Variants in SERPINB13 observed in about 807,000 individuals in gnomAD.
The protein encoded by SERPINB13 is serpin family B member 13.
SERPINB13 carries 26 observed loss-of-function variants against 31.2 expected under a neutral mutation model. The ratio of observed to expected loss-of-function variants is 0.83; its 90% CI spans 0.61 to 1.15. The LOEUF (loss-of-function observed/expected upper bound fraction) is 1.15, where lower values mean the gene tolerates loss of function less well. Among genes scored for constraint, SERPINB13 ranks in the 50% most tolerant of loss-of-function variants. The pLI is 0.00. For missense variants in SERPINB13, 510 were observed against 469.4 expected (o/e 1.09, Z -0.80); for synonymous variants, 191 against 172.4 (o/e 1.11, Z -0.85).
In SERPINB13 at chr18:63,587,455, G is replaced by T. The variant is rs1367262604; in HGVS notation, c.-18+5G>T. ...CCGTCTCTCCAAAAACCCGAGGTAA[G>T]TTCTTATTTTGGCTCCAATTTAAGA... On this transcript the variant is annotated splice_donor_5th_base_variant and intron_variant, in intron 1 of 7. Transcript: ENST00000344731. 1 of 470,944 alleles carries T rather than the reference G, an allele frequency of 2.1e-6. No individual in the cohort carries two copies. 29.2% of individuals were successfully genotyped at this position (470,944 alleles called of 1,614,324 possible).
chr18:63,596,833 T>A (rs992137133), intron 7 of SERPINB13, 126 bp from the exon 8 acceptor site: 6 of 727,278 alleles, frequency 8.2e-6, no homozygotes, highest in Non-Finnish European at 1.3e-5. Flanking sequence ...AACAATCTAG[T>A]GAAATAAAAT....
At position 63,595,063 on chromosome 18, in the gene SERPINB13, G is replaced by A; in HGVS notation, c.650G>A (p.Ser217Asn). Residue 217 changes from serine (S) to asparagine (N), a missense_variant, in exon 7 of 8, where the codon AGC becomes AAC. Coordinates refer to ENST00000344731, the MANE Select transcript of SERPINB13 (RefSeq NM_012397.4). Reference protein sequence around the residue: ...TSKSVQMMTQSHSFSFTFLED... With the variant: ...TSKSVQMMTQNHSFSFTFLED... ...AAATCTGTACAGATGATGACACAGA[G>A]CCATTCCTTTAGCTTCACTTTCCTG... 1 of 1,614,000 alleles carries A rather than the reference G, an allele frequency of 6.2e-7. No individual in the cohort carries two copies. Among genetic ancestry groups the A allele is most frequent in the Non-Finnish European group, 8.5e-7 (1 of 1,179,948 alleles).
chr18:63,592,037 C>T (rs1453834757), intron 3 of SERPINB13, among the ~76,000 whole-genome samples: 1 of 152,110 alleles, frequency 6.6e-6, no homozygotes, highest in Non-Finnish European at 1.5e-5. Context: ...GAGCTAAAAA[C>T]AAGCTTATTG....
chr18:63,592,800 A>G (rs1415800300), intron 4 of SERPINB13, 54 bp from the exon 5 acceptor site: 12 of 1,115,196 alleles, frequency 1.1e-5, no homozygotes, highest in Non-Finnish European at 1.6e-5. Flanking sequence ...GATGTTGGCA[A>G]TTGATAAATT....
chr18:63,592,241 G>A, intron 3 of SERPINB13, 107 bp from the exon 4 acceptor site: 1 of 1,289,036 alleles, frequency 7.8e-7, no homozygotes, highest in Non-Finnish European at 1.1e-6. Flanking sequence ...GATCACCCTT[G>A]AGGCTGACAA....
Position 63,592,378 on chromosome 18 carries a change from T to C in SERPINB13, c.256T>C (p.Phe86Leu), listed in dbSNP as rs142349392. ...IENTEAVHQQ[F>L]QKFLTEISKL... is the part of the protein sequence containing the mutation. ...GAACACAGAAGCAGTACATCAACAA[T>C]TCCAAAAGTTTTTGACTGAAATAAG... The change falls in exon 4 of 8, where the codon TTC becomes CTC. Residue 86 changes from phenylalanine to leucine, a missense_variant. Phe to Leu is a conservative substitution (Grantham distance 22). Transcript: ENST00000344731. 4 of 1,612,876 alleles carry C rather than the reference T, an allele frequency of 2.5e-6. No homozygotes were observed. In the African/African-American group the frequency reaches 5.3e-5, roughly 22 times the overall value.
chr18:63,592,225 C>T (rs1377084641), intron 3 of SERPINB13, 123 bp from the exon 4 acceptor site: 4 of 1,075,458 alleles, frequency 3.7e-6, no homozygotes, highest in Non-Finnish European at 5.2e-6. Flanking sequence ...CCACATCAAA[C>T]ACAGGGATCA....
At position 63,597,093 on chromosome 18, in the gene SERPINB13, C is replaced by G. The variant is rs775910644; in HGVS notation, c.906C>G (p.Ala302=). 6.2e-7 allele frequency: 1 copy of G among 1,614,182 alleles called. No homozygotes were observed. The highest frequency in any genetic ancestry group is 1.7e-5 in the Admixed American group (1 of 60,018). ...DGYDLEAVLA[A]MGMGDAFSEH... is the part of the protein sequence containing the mutation. ...ACGATCTAGAGGCGGTCCTGGCTGCCATGGGGATGGGCGATGCCTTCAGTG... is the reference window on the plus strand; with the variant it reads ...ACGATCTAGAGGCGGTCCTGGCTGCGATGGGGATGGGCGATGCCTTCAGTG... Residue 302 remains alanine, a synonymous_variant, in exon 8 of 8, where the codon GCC becomes GCG. Transcript: ENST00000344731.
At chr18:63,591,731 A>C (rs1911865871) in intron 3 of SERPINB13, among the ~76,000 whole-genome samples, 1 of 151,966 alleles carries the variant, frequency 6.6e-6, no homozygotes, top group Non-Finnish European at 1.5e-5. Context: ...ATTAATATGT[A>C]ATTAATATTT....
chr18:63,593,859 A>G (rs554034969), intron 5 of SERPINB13, among the ~76,000 whole-genome samples: 3 of 152,242 alleles, frequency 2.0e-5, no homozygotes, highest in African/African-American at 4.8e-5. Flanking sequence ...TCTCCAATAT[A>G]ATAAGTAATC....
intron 3 of SERPINB13, 158 bp downstream of exon 3, chr18:63,589,873 A>G: frequency 7.1e-7 from 1 of 1,398,908 alleles, no homozygotes; most frequent in Non-Finnish European, 9.5e-7. Context: ...CACCATAGAC[A>G]AATATTGTTG....
chr18:63,595,361 A>C (rs1404450797), intron 7 of SERPINB13, among the ~76,000 whole-genome samples, 177 bp downstream of exon 7: 1 of 152,210 alleles, frequency 6.6e-6, no homozygotes, highest in Admixed American at 6.5e-5. Context: ...TTTATTGAGA[A>C]CAACTAATCC....
intron 6 of SERPINB13, 46 bp downstream of exon 6, chr18:63,594,543 T>C: frequency 1.3e-6 from 2 of 1,591,374 alleles, no homozygotes; most frequent in Non-Finnish European, 1.7e-6. Flanking sequence ...ACATGGAATG[T>C]AAAGTCTAAA....
chr18:63,596,974 A>C lies in SERPINB13; in HGVS notation c.787A>C (p.Ser263Arg). The C allele has an allele frequency of 6.2e-7, 1 of 1,604,016 alleles. No individual in the cohort carries two copies. Among genetic ancestry groups the C allele is most frequent in the Non-Finnish European group, 8.5e-7 (1 of 1,174,968 alleles). ...DGLEKIIDKI[S>R]PEKLVEWTSP... is the part of the protein sequence containing the mutation. ...TTGAAAATAGATAATAGATAAAATA[A>C]GTCCTGAGAAATTGGTAGAGTGGAC... Residue 263 changes from serine to arginine, a missense_variant, in exon 8 of 8, where the codon AGT (serine) becomes CGT (arginine). Transcript: ENST00000344731.
rs183105968 is a variant in SERPINB13, at chr18:63,597,781, T to C, written c.*418T>C. 6.0e-4 allele frequency: 95 copies of C among 157,614 alleles called. No individual in the cohort carries two copies. The highest frequency in any genetic ancestry group is 3.4e-3 in the Middle Eastern group (1 of 298). 9.8% of individuals were successfully genotyped at this position (157,614 alleles called of 1,614,324 possible). A position where few individuals can be genotyped will look rare whatever the true frequency, so the allele number is the denominator to read the frequency against. On this transcript the variant is annotated 3_prime_UTR_variant, in exon 8 of 8. Coordinates refer to ENST00000344731, the MANE Select transcript of SERPINB13 (RefSeq NM_012397.4). ...AAACAATAGTTTACTCAGCTCATGTTACTATTCCCCAACAGATATTGTGGC... is the reference window on the plus strand; with the variant it reads ...AAACAATAGTTTACTCAGCTCATGTCACTATTCCCCAACAGATATTGTGGC...
intron 4 of SERPINB13, 92 bp downstream of exon 4, chr18:63,592,568 T>G (rs1176110456): frequency 6.9e-6 from 9 of 1,308,618 alleles, no homozygotes; most frequent in Non-Finnish European, 9.6e-6. Context: ...TCGTGCTGCC[T>G]GGCTCTGGCC....
rs545419346 is a variant in SERPINB13, at chr18:63,587,456, T to A, written c.-18+6T>A. The stretch of plus-strand genomic sequence containing the variant: ...CGTCTCTCCAAAAACCCGAGGTAAG[T>A]TCTTATTTTGGCTCCAATTTAAGAC... On this transcript the variant is annotated splice_donor_region_variant and intron_variant, in intron 1 of 7. Transcript: ENST00000344731. 6 of 471,008 alleles carry A rather than the reference T, an allele frequency of 1.3e-5. No homozygotes were observed. The highest frequency in any genetic ancestry group is 6.2e-5 in the South Asian group (4 of 64,554). The allele number at this position is 471,008 out of a possible 1,614,324, so 29.2% of individuals were successfully genotyped here. A position where few individuals can be genotyped will look rare whatever the true frequency, so the allele number is the denominator to read the frequency against.
At chr18:63,591,617 C>T (rs1210487001) in intron 3 of SERPINB13, among the ~76,000 whole-genome samples, 1 of 151,986 alleles carries the variant, frequency 6.6e-6, no homozygotes, top group Non-Finnish European at 1.5e-5. Flanking sequence ...TCCAGATGTG[C>T]TATAGGTATA....
chr18:63,595,167 A>G lies in SERPINB13; in HGVS notation c.754A>G (p.Ile252Val), dbSNP rs1344932153. Residue 252 changes from isoleucine (I) to valine (V), a missense_variant, in exon 7 of 8, where the codon ATC becomes GTC. Transcript: ENST00000344731. The part of the protein sequence containing the change: ...LSMFVLLPND[I>V]DGLEKIIDKI... Reference sequence around the variant, plus strand: ...CATGTTTGTGCTTCTGCCCAACGACATCGATGGCCTGGAGAAGGTAAACGC... The same window carrying G: ...CATGTTTGTGCTTCTGCCCAACGACGTCGATGGCCTGGAGAAGGTAAACGC... 17 of 1,612,852 alleles carry G rather than the reference A, an allele frequency of 1.1e-5. No individual in the cohort carries two copies. The highest frequency in any genetic ancestry group is 1.4e-5 in the Non-Finnish European group (17 of 1,179,628).
Sources: gnomAD v4.1 joint callset for allele counts (sites outside exome capture counted in the v4.1 genomes callset) on GRCh38, gnomAD v4.1.1 for gene constraint, MANE v1.5 for transcripts, NCBI Gene and HGNC (gene_info 2026-07-23, HGNC 2026-07-21) for gene names.